The following CEP350 variants were observed in gnomAD, a reference collection of about 807,000 sequenced individuals.
The protein encoded by CEP350 is centrosomal protein 350.
CEP350 carries 126 observed loss-of-function variants against 331.8 expected under a neutral mutation model. The ratio of observed to expected loss-of-function variants is 0.38; its 90% confidence interval spans 0.33 to 0.44. CEP350 has a LOEUF of 0.44. Among genes scored for constraint, CEP350 ranks in the 20% least tolerant of loss-of-function variants. The pLI, the probability that CEP350 is intolerant of heterozygous loss-of-function variation, is 1.00. For missense variants in CEP350, 3,406 were observed against 3,634.6 expected, an observed-to-expected ratio of 0.94 and a Z score of 1.62; for synonymous variants, 1,200 against 1,259.5, an observed-to-expected ratio of 0.95 and a Z score of 1.00.
chr1:179,983,054 G>A, intron 1 of CEP350, among the ~76,000 whole-genome samples: 1 of 152,142 alleles, frequency 6.6e-6, no homozygotes, highest in East Asian at 1.9e-4. Context: ...CTCCCAAAGT[G>A]CTGGGATTAC....
rs75639237 is a variant in CEP350 at position 180,043,219 on chromosome 1, T to C, written c.4499+27T>C. ...TTAATATTCATTCAGTCAGCAAATATATAATGACTGTCTGTTAGGTTAATA... is the reference window on the plus strand; with the variant it reads ...TTAATATTCATTCAGTCAGCAAATACATAATGACTGTCTGTTAGGTTAATA... On this transcript the variant is annotated intron_variant, in intron 20 of 37. Transcript: ENST00000367607. The C allele has an allele frequency of 9.0e-4, 1,433 of 1,587,540 alleles. 15 individuals are homozygous for C. In the African/African-American group the frequency reaches 0.017, roughly 19 times the overall value.
Position 180,067,833 on chromosome 1 carries a change from C to T in CEP350, c.5567+2561C>T, listed in dbSNP as rs72710646. Among the ~76,000 whole-genome samples, 750 of 152,220 alleles carry T rather than the reference C, an allele frequency of 4.9e-3. 2 individuals are homozygous for T. Among genetic ancestry groups the T allele is most frequent in the Admixed American group, 5.3e-3 (81 of 15,280 alleles). ...AGCTTTTAAATACCATTTATATTAC[C>T]GGAGCACCATAGTTTGATCTCCTTC... On this transcript the variant is annotated intron_variant, in intron 27 of 37. Coordinates refer to ENST00000367607, the MANE Select transcript of CEP350 (RefSeq NM_014810.5).
chr1:179,970,406 G>A (rs998716683), intron 1 of CEP350, among the ~76,000 whole-genome samples: 3 of 152,192 alleles, frequency 2.0e-5, no homozygotes, highest in Non-Finnish European at 4.4e-5. Flanking sequence ...TTGGAACAGT[G>A]TAATAGATCT....
intron 37 of CEP350, among the ~76,000 whole-genome samples, chr1:180,109,441 T>TGA (rs972472451): frequency 2.0e-5 from 3 of 151,960 alleles, no homozygotes; most frequent in Non-Finnish European, 4.4e-5. Context: ...TTTTTAAAGA[T>TGA]GAAACTATGA....
At chr1:180,064,908 A>G (rs1658454026) in intron 26 of CEP350, among the ~76,000 whole-genome samples, 1 of 152,132 alleles carries the variant, frequency 6.6e-6, no homozygotes, top group Non-Finnish European at 1.5e-5. Flanking sequence ...CTCTCTATAT[A>G]TAAATGGTGG....
Position 180,053,112 on chromosome 1 carries a change from T to A in CEP350, c.4935T>A (p.His1645Gln), listed in dbSNP as rs376717265. 35 of 1,605,572 alleles carry A rather than the reference T, an allele frequency of 2.2e-5. No individual in the cohort carries two copies. The highest frequency in any genetic ancestry group is 2.8e-5 in the Non-Finnish European group (33 of 1,176,320). ...RFNMEKRRGHHDDSDEEASPE... is the reference protein window; with the variant it reads ...RFNMEKRRGHQDDSDEEASPE... ...ACATGGAAAAGAGAAGAGGTCATCA[T>A]GATGACTCTGATGAAGAAGCTTCTC... Residue 1645 changes from histidine to glutamine, a missense_variant, in exon 23 of 38, where the codon CAT (histidine) becomes CAA (glutamine). Physicochemically the swap from His to Gln is conservative, Grantham distance 24. Coordinates refer to ENST00000367607, the MANE Select transcript of CEP350 (RefSeq NM_014810.5).
intron 36 of CEP350, among the ~76,000 whole-genome samples, chr1:180,096,913 T>C (rs549438772): frequency 1.3e-5 from 2 of 152,198 alleles, no homozygotes; most frequent in Admixed American, 6.5e-5. Context: ...AGATTCTGAT[T>C]TAGTAGGTCT....
At chr1:179,998,004 T>C (rs1653583815) in intron 6 of CEP350, among the ~76,000 whole-genome samples, 1 of 74,884 alleles carries the variant, frequency 1.3e-5, no homozygotes, top group Non-Finnish European at 3.0e-5. Flanking sequence ...AAGTGCTCTT[T>C]AGAGCTTTTT....
intron 7 of CEP350, among the ~76,000 whole-genome samples, chr1:180,004,620 A>G (rs1654084424): frequency 6.6e-6 from 1 of 152,186 alleles, no homozygotes; most frequent in African/African-American, 2.4e-5. Context: ...AATCCTTTCT[A>G]TAGGTGTTTG....
chr1:179,973,716 G>A (rs1034649929), intron 1 of CEP350, among the ~76,000 whole-genome samples: 1 of 152,054 alleles, frequency 6.6e-6, no homozygotes, highest in Non-Finnish European at 1.5e-5. Flanking sequence ...GTCAAATTTT[G>A]TGTGTGTGTT....
At chr1:180,008,816 G>T (rs192468159) in intron 8 of CEP350, among the ~76,000 whole-genome samples, 1 of 152,026 alleles carries the variant, frequency 6.6e-6, no homozygotes, top group Non-Finnish European at 1.5e-5. Context: ...AGACCACCAG[G>T]GCAAAACTGA....
chr1:179,982,049 T>A (rs1335439580), intron 1 of CEP350, among the ~76,000 whole-genome samples: 1 of 152,132 alleles, frequency 6.6e-6, no homozygotes, highest in East Asian at 1.9e-4. Flanking sequence ...AGGGCATAAT[T>A]CATGTTATCT....
At chr1:180,109,408 G>A (rs550202727) in intron 37 of CEP350, among the ~76,000 whole-genome samples, 180 of 152,032 alleles carry the variant, frequency 1.2e-3, no homozygotes, top group Non-Finnish European at 1.8e-3. Context: ...TTGAGCCACC[G>A]CGCTCGGCCC....
At chr1:179,969,452 C>G in intron 1 of CEP350, 1 of 491,908 alleles carries the variant, frequency 2.0e-6, no homozygotes, top group East Asian at 5.7e-5. Flanking sequence ...GAAGACTGGT[C>G]TACAGCTCCC....
chr1:180,005,114 A>G (rs1041225775), intron 7 of CEP350, among the ~76,000 whole-genome samples: 1 of 149,670 alleles, frequency 6.7e-6, no homozygotes, highest in Non-Finnish European at 1.5e-5. Context: ...ACACAGGACA[A>G]ATTTGTCTAG....
chr1:180,112,172 T>G lies in CEP350; in HGVS notation c.*1011T>G, dbSNP rs1661494685. 2.6e-5 allele frequency: 4 copies of G among 152,668 alleles called. No homozygotes were observed. The highest frequency in any genetic ancestry group is 2.0e-4 in the Admixed American group (3 of 15,282). The allele number at this position is 152,668 out of a possible 1,614,324, so 9.5% of individuals were successfully genotyped here. Reference sequence around the variant, plus strand: ...GCTATGGAACATTTTTTAATTTATTTTAAGATAAATTATTAAGTTGAAAAT... The same window carrying G: ...GCTATGGAACATTTTTTAATTTATTGTAAGATAAATTATTAAGTTGAAAAT... On this transcript the variant is annotated 3_prime_UTR_variant, in exon 38 of 38. Transcript: ENST00000367607.
chr1:179,964,636 C>A (rs747526487), intron 1 of CEP350, among the ~76,000 whole-genome samples: 12 of 151,784 alleles, frequency 7.9e-5, no homozygotes, highest in South Asian at 2.1e-4. Flanking sequence ...AGAATTTATC[C>A]ATTTCCTCTG....
chr1:180,015,076 G>A (rs935445850), intron 10 of CEP350, among the ~76,000 whole-genome samples: 15 of 151,992 alleles, frequency 9.9e-5, no homozygotes, highest in Non-Finnish European at 8.8e-5. Flanking sequence ...CTTTATCCTC[G>A]TCATCTTCAT....
chr1:180,020,853 C>T lies in CEP350; in HGVS notation c.3079C>T (p.Pro1027Ser). Residue 1027 changes from proline (P) to serine (S), a missense_variant, in exon 12 of 38, where the codon CCC becomes TCC. Coordinates refer to ENST00000367607, the MANE Select transcript of CEP350 (RefSeq NM_014810.5). ...TCCTGGAGAAAGAAATAGTTATGAA[C>T]CCATCAAAGAGTTTCAGAAAGAAGC... is the stretch of plus-strand genomic sequence containing the variant. Reference protein sequence around the residue: ...FCPGERNSYEPIKEFQKEAEK... With the variant: ...FCPGERNSYESIKEFQKEAEK... The T allele has an allele frequency of 6.2e-7, 1 of 1,613,686 alleles. No homozygotes were observed. The highest frequency in any genetic ancestry group is 8.5e-7 in the Non-Finnish European group (1 of 1,179,844).
Sources: gnomAD v4.1 joint callset for allele counts (sites outside exome capture counted in the v4.1 genomes callset) on GRCh38, gnomAD v4.1.1 for gene constraint, MANE v1.5 for transcripts, NCBI Gene and HGNC (gene_info 2026-07-23, HGNC 2026-07-21) for gene names.